The following ZFYVE1 variants were observed in gnomAD, a reference collection of about 807,000 sequenced individuals.
The protein encoded by ZFYVE1 is zinc finger FYVE-type containing 1.
Under a neutral mutation model 74.4 loss-of-function variants are expected in ZFYVE1, and 30 were observed. The ratio of observed to expected loss-of-function variants is 0.40; its 90% CI spans 0.30 to 0.55. The LOEUF is 0.55. Among genes scored for constraint, ZFYVE1 ranks in the 20% least tolerant of loss-of-function variants. ZFYVE1 has a pLI of 0.42. For missense variants in ZFYVE1, 703 were observed against 1,011.6 expected, an observed-to-expected ratio of 0.69 and a Z score of 4.14; for synonymous variants, 335 against 385.1, an observed-to-expected ratio of 0.87 and a Z score of 1.52.
intron 8 of ZFYVE1, among the ~76,000 whole-genome samples, chr14:72,976,515 T>C (rs1374582146): frequency 1.3e-5 from 2 of 152,160 alleles, no homozygotes; most frequent in Non-Finnish European, 2.9e-5. Flanking sequence ...CCGGGTGCGA[T>C]GGCTCACGCC....
chr14:72,996,080 A>C (rs1272488449), intron 3 of ZFYVE1, among the ~76,000 whole-genome samples: 2 of 152,020 alleles, frequency 1.3e-5, no homozygotes, highest in Admixed American at 1.3e-4. Flanking sequence ...TCCCTCCCAC[A>C]CAAGCCATGC....
chr14:72,985,022 G>A (rs1383389228), intron 4 of ZFYVE1, among the ~76,000 whole-genome samples: 1 of 152,146 alleles, frequency 6.6e-6, no homozygotes, highest in Non-Finnish European at 1.5e-5. Flanking sequence ...CCTTGCCCTA[G>A]GCTTCTTTCA....
At chr14:72,992,186 G>A (rs1420739441) in intron 4 of ZFYVE1, among the ~76,000 whole-genome samples, 1 of 152,170 alleles carries the variant, frequency 6.6e-6, no homozygotes. Context: ...TGGAATTACA[G>A]GCGTGAGCCA....
At chr14:73,006,219 A>G (rs1803902233) in intron 2 of ZFYVE1, among the ~76,000 whole-genome samples, 1 of 150,660 alleles carries the variant, frequency 6.6e-6, no homozygotes, top group African/African-American at 2.4e-5. Flanking sequence ...GCGCCCGGCC[A>G]AAACACATTA....
Position 72,974,828 on chromosome 14 carries a change from C to T in ZFYVE1, c.1938G>A (p.Ala646=), listed in dbSNP as rs139386200. The change falls in exon 10 of 12, where the codon GCG becomes GCA. Residue 646 remains alanine (A), a synonymous_variant. Transcript: ENST00000556143. The stretch of plus-strand genomic sequence containing the variant: ...AGCAGTTGTCACAGACCCGCACTGG[C>T]GCAGGGCCCCAGCCCCGCTCAGGCA... ...RPVPERGWGP[A]PVRVCDNCYE... is the part of the protein sequence containing the mutation. 528 of 1,612,866 alleles carry T rather than the reference C, an allele frequency of 3.3e-4. 1 individual carries two copies. The African/African-American group carries it at 6.6e-3, about 20-fold the overall frequency.
chr14:72,973,993 G>T, intron 11 of ZFYVE1, 87 bp downstream of exon 11: 2 of 1,170,248 alleles, frequency 1.7e-6, no homozygotes, highest in Non-Finnish European at 2.5e-6. Context: ...ATCTAGGTTG[G>T]CAAGCCTTTA....
intron 2 of ZFYVE1, among the ~76,000 whole-genome samples, chr14:73,015,409 G>T (rs1241353370): frequency 9.4e-6 from 1 of 105,874 alleles, no homozygotes; most frequent in Non-Finnish European, 1.9e-5. Flanking sequence ...AGGAAGGGGG[G>T]GGAAGGAAGG....
At chr14:72,998,872 G>A (rs1275435397) in intron 2 of ZFYVE1, among the ~76,000 whole-genome samples, 6 of 151,600 alleles carry the variant, frequency 4.0e-5, no homozygotes, top group Non-Finnish European at 5.9e-5. Context: ...AGAAAGGGGG[G>A]TGGGGCCAAG....
At chr14:72,994,322 CA>C (rs71109776) in intron 3 of ZFYVE1, among the ~76,000 whole-genome samples, 378 of 31,104 alleles carry the variant, frequency 0.012, 1 homozygote, top group East Asian at 0.081. Context: ...GACGCTGTCT[CA>C]AAAAAAAAAA....
In ZFYVE1 at chr14:73,024,180, C is replaced by G. The variant is rs746680816; in HGVS notation, c.329G>C (p.Gly110Ala). Residue 110 changes from glycine (G) to alanine (A), a missense_variant, in exon 2 of 12, where the codon GGG becomes GCG. Physicochemically the swap from Gly to Ala is moderately conservative, Grantham distance 60. Transcript: ENST00000556143. ...AACAGGGTGTCTCCTTTTGTTACCC[C>G]CAGAATGAGTCCTCTTCTGGCACTC... The part of the protein sequence containing the change: ...CLECQKRTHS[G>A]GNKRRHPVTV... The G allele has an allele frequency of 6.2e-7, 1 of 1,614,162 alleles. No homozygotes were observed. Among genetic ancestry groups the G allele is most frequent in the East Asian group, 2.2e-5 (1 of 44,888 alleles).
chr14:73,024,661 C>A lies in ZFYVE1; in HGVS notation c.-153G>T. The A allele has an allele frequency of 8.8e-7, 1 of 1,138,452 alleles. No homozygotes were observed. Among genetic ancestry groups the A allele is most frequent in the Non-Finnish European group, 1.2e-6 (1 of 845,564 alleles). The allele number at this position is 1,138,452 out of a possible 1,614,324, so 70.5% of individuals were successfully genotyped here. A position where few individuals can be genotyped will look rare whatever the true frequency, so the allele number is the denominator to read the frequency against. On this transcript the variant is annotated 5_prime_UTR_variant, in exon 2 of 12. Coordinates refer to ENST00000556143, the MANE Select transcript of ZFYVE1 (RefSeq NM_021260.4). Reference sequence around the variant, plus strand: ...ACACCTTTCATGTCCTGTTATAGTTCTTCACAAACAAATGTTCAAATTTTT... The same window carrying A: ...ACACCTTTCATGTCCTGTTATAGTTATTCACAAACAAATGTTCAAATTTTT...
chr14:73,026,989 G>A lies in ZFYVE1; in HGVS notation c.-498C>T. On this transcript the variant is annotated 5_prime_UTR_variant, in exon 1 of 12. Coordinates refer to ENST00000556143, the MANE Select transcript of ZFYVE1 (RefSeq NM_021260.4). ...GCCGCAGGGCGCCAGTGGGGGCAGA[G>A]GCTATTCCTCAGGACACCGGCAGAT... The A allele has an allele frequency of 2.5e-6, 1 of 398,862 alleles. No homozygotes were observed. The highest frequency in any genetic ancestry group is 4.4e-6 in the Non-Finnish European group (1 of 226,298). The allele number at this position is 398,862 out of a possible 1,614,324, so 24.7% of individuals were successfully genotyped here.
chr14:72,974,326 G>T (rs1056332402), intron 10 of ZFYVE1, 133 bp from the exon 11 acceptor site: 9 of 818,668 alleles, frequency 1.1e-5, no homozygotes, highest in African/African-American at 1.7e-5. Flanking sequence ...TACTGCAAGG[G>T]TCTGTGCTGT....
chr14:72,981,809 G>A lies in ZFYVE1; in HGVS notation c.1290C>T (p.Ser430=). The A allele has an allele frequency of 6.2e-7, 1 of 1,614,132 alleles. No individual in the cohort carries two copies. Among genetic ancestry groups the A allele is most frequent in the South Asian group, 1.1e-5 (1 of 91,084 alleles). ...SFFPDEYFTC[S]SLCLSCGVGC... The stretch of plus-strand genomic sequence containing the variant: ...CTTACCCACAGCTGAGGCACAAGGA[G>A]GAGCAGGTGAAATACTCATCTGGAA... The change falls in exon 5 of 12, where the codon TCC becomes TCT. Residue 430 remains serine (S), a synonymous_variant. Coordinates refer to ENST00000556143, the MANE Select transcript of ZFYVE1 (RefSeq NM_021260.4).
At chr14:72,983,300 A>G (rs568318580) in intron 4 of ZFYVE1, among the ~76,000 whole-genome samples, 1 of 150,760 alleles carries the variant, frequency 6.6e-6, no homozygotes, top group East Asian at 2.0e-4. Context: ...TGCACCCATT[A>G]ACTCGTCATT....
At chr14:73,015,385 G>A (rs145257724) in intron 2 of ZFYVE1, among the ~76,000 whole-genome samples, 12 of 12,834 alleles carry the variant, frequency 9.4e-4, no homozygotes, top group South Asian at 5.4e-3. Flanking sequence ...AGGAAGGGGG[G>A]AAGGAAGAGG....
chr14:72,973,287 G>A (rs1377811077), intron 11 of ZFYVE1, among the ~76,000 whole-genome samples: 4 of 151,836 alleles, frequency 2.6e-5, no homozygotes, highest in Non-Finnish European at 4.4e-5. Flanking sequence ...TCAGGAGTTC[G>A]GGACCAGCCT....
At chr14:72,976,358 C>T (rs1893169617) in intron 8 of ZFYVE1, among the ~76,000 whole-genome samples, 1 of 152,136 alleles carries the variant, frequency 6.6e-6, no homozygotes, top group African/African-American at 2.4e-5. Flanking sequence ...TTTACTTTCT[C>T]GCTATAAGGC....
At chr14:72,982,892 G>T (rs1893374147) in intron 4 of ZFYVE1, among the ~76,000 whole-genome samples, 1 of 151,818 alleles carries the variant, frequency 6.6e-6, no homozygotes, top group African/African-American at 2.4e-5. Context: ...TGCCCAGGCT[G>T]GAGTGCACTG....
Sources: gnomAD v4.1 joint callset for allele counts (sites outside exome capture counted in the v4.1 genomes callset) on GRCh38, gnomAD v4.1.1 for gene constraint, MANE v1.5 for transcripts, NCBI Gene and HGNC (gene_info 2026-07-23, HGNC 2026-07-21) for gene names.